The following SLC24A2 variants were observed in gnomAD, a reference collection of about 807,000 sequenced individuals.
The protein encoded by SLC24A2 is solute carrier family 24 member 2.
In SLC24A2, 36 loss-of-function variants were observed where a neutral mutation model predicts 62.0. The ratio of observed to expected loss-of-function variants is 0.58; its 90% CI spans 0.44 to 0.77. SLC24A2 has a LOEUF of 0.77. Among genes scored for constraint, SLC24A2 ranks in the 30% least tolerant of loss-of-function variants. The pLI is 0.00. For synonymous variants in SLC24A2, 358 were observed against 294.0 expected (o/e 1.22, Z -2.23); for missense variants, 846 against 817.9 (o/e 1.03, Z -0.42).
At chr9:20,064,306 G>C in the SLC24A2 span, among the ~76,000 whole-genome samples, 6 of 152,268 alleles carry the variant, frequency 3.9e-5, no homozygotes, top group African/African-American at 1.4e-4. Context: ...ATGGTTGCTG[G>C]GGCTGGGAGT....
the SLC24A2 span, among the ~76,000 whole-genome samples, chr9:20,048,181 C>G: frequency 6.6e-6 from 1 of 152,232 alleles, no homozygotes; most frequent in Non-Finnish European, 1.5e-5. Flanking sequence ...CCCCTTAGTA[C>G]TATGAGTGTC....
intron 2 of SLC24A2, among the ~76,000 whole-genome samples, chr9:19,734,254 T>C (rs1004694415): frequency 6.6e-6 from 1 of 152,188 alleles, no homozygotes; most frequent in Non-Finnish European, 1.5e-5. Context: ...TATCTCTGTT[T>C]TGGTACCAGT....
chr9:19,989,511 A>G, the SLC24A2 span, among the ~76,000 whole-genome samples: 1 of 152,224 alleles, frequency 6.6e-6, no homozygotes, highest in African/African-American at 2.4e-5. Flanking sequence ...AGAGTTTGTT[A>G]AAGTGGATGT....
At chr9:20,182,255 T>A in the SLC24A2 span, among the ~76,000 whole-genome samples, 1 of 152,146 alleles carries the variant, frequency 6.6e-6, no homozygotes, top group Admixed American at 6.5e-5. Context: ...GAACTAGAAA[T>A]ACCATTTGAC....
intron 5 of SLC24A2, among the ~76,000 whole-genome samples, chr9:19,579,506 A>T (rs1361881581): frequency 6.6e-6 from 1 of 152,208 alleles, no homozygotes; most frequent in Non-Finnish European, 1.5e-5. Context: ...TTTATTGGAG[A>T]TGATGCTTCT....
At chr9:19,783,404 T>C (rs903006728) in intron 2 of SLC24A2, among the ~76,000 whole-genome samples, 3 of 152,232 alleles carry the variant, frequency 2.0e-5, no homozygotes, top group Admixed American at 6.5e-5. Context: ...AAGACTCCAC[T>C]GAAGGCCGCA....
chr9:20,307,753 C>T, the SLC24A2 span, among the ~76,000 whole-genome samples: 1 of 152,292 alleles, frequency 6.6e-6, no homozygotes, highest in East Asian at 1.9e-4. Context: ...GAGACACATG[C>T]TAGACCCAAG....
chr9:20,146,508 G>T, the SLC24A2 span, among the ~76,000 whole-genome samples: 1 of 152,052 alleles, frequency 6.6e-6, no homozygotes, highest in South Asian at 2.1e-4. Context: ...AATACAATAT[G>T]GTTTCCCCAA....
the SLC24A2 span, among the ~76,000 whole-genome samples, chr9:20,134,538 T>C: frequency 6.6e-6 from 1 of 152,134 alleles, no homozygotes; most frequent in African/African-American, 2.4e-5. Flanking sequence ...AAGAGTCTAG[T>C]ACAATTTTGC....
At chr9:19,980,443 T>C in the SLC24A2 span, among the ~76,000 whole-genome samples, 1 of 152,078 alleles carries the variant, frequency 6.6e-6, no homozygotes, top group Non-Finnish European at 1.5e-5. Flanking sequence ...GGGAAGGAAG[T>C]GACACTGGAA....
chr9:20,110,176 C>G, the SLC24A2 span, among the ~76,000 whole-genome samples: 1 of 151,948 alleles, frequency 6.6e-6, no homozygotes. Flanking sequence ...AAAAATGAGC[C>G]CTCTGGATAT....
the SLC24A2 span, among the ~76,000 whole-genome samples, chr9:19,839,025 A>T: frequency 1.2e-4 from 19 of 152,334 alleles, no homozygotes; most frequent in East Asian, 2.3e-3. Flanking sequence ...ATCTAGAATG[A>T]ACTCAAACAA....
At chr9:20,045,543 T>TGCCTCA in the SLC24A2 span, among the ~76,000 whole-genome samples, 3 of 152,124 alleles carry the variant, frequency 2.0e-5, no homozygotes, top group African/African-American at 7.2e-5. Flanking sequence ...GCGACTCTCC[T>TGCCTCA]GCCTCAGCCT....
the SLC24A2 span, among the ~76,000 whole-genome samples, chr9:19,833,503 C>G: frequency 6.6e-6 from 1 of 152,198 alleles, no homozygotes; most frequent in Middle Eastern, 3.2e-3. Flanking sequence ...TGAGATCAAA[C>G]TGCAAGGTGG....
At chr9:20,065,825 A>T in the SLC24A2 span, among the ~76,000 whole-genome samples, 2 of 152,170 alleles carry the variant, frequency 1.3e-5, no homozygotes, top group Admixed American at 1.3e-4. Context: ...TAGTTTAAAA[A>T]CATGTTCAGC....
the SLC24A2 span, among the ~76,000 whole-genome samples, chr9:20,203,915 G>A: frequency 2.0e-5 from 3 of 152,240 alleles, no homozygotes; most frequent in East Asian, 1.9e-4. Context: ...TATTCAACAC[G>A]TATTTAGTGT....
At chr9:20,183,263 G>A in the SLC24A2 span, among the ~76,000 whole-genome samples, 1 of 152,148 alleles carries the variant, frequency 6.6e-6, no homozygotes, top group African/African-American at 2.4e-5. Flanking sequence ...TGGCACAGCT[G>A]GAAAGAGAAG....
chr9:20,102,743 C>T, the SLC24A2 span, among the ~76,000 whole-genome samples: 184 of 152,182 alleles, frequency 1.2e-3, no homozygotes, highest in African/African-American at 3.6e-3. Context: ...GGAACAGCTC[C>T]GGTCTACAGC....
the SLC24A2 span, among the ~76,000 whole-genome samples, chr9:20,189,176 G>A: frequency 1.3e-5 from 2 of 150,420 alleles, no homozygotes; most frequent in Admixed American, 6.7e-5. Flanking sequence ...AAGTTGGTTC[G>A]ATCTCAATTT....
Sources: allele counts gnomAD v4.1 joint callset (sites outside exome capture counted in the v4.1 genomes callset), GRCh38; gene constraint gnomAD v4.1.1; transcripts MANE v1.5; gene names NCBI Gene and HGNC (gene_info 2026-07-23, HGNC 2026-07-21).